COTL1: variants seen among roughly 807,000 people sequenced by gnomAD.
COTL1 encodes the protein coactosin-like protein.
In COTL1, 15 loss-of-function variants were observed where a neutral mutation model predicts 16.5. The observed-to-expected ratio is 0.91, with a 90% CI of 0.61 to 1.40. The LOEUF is 1.40. Among genes scored for constraint, COTL1 ranks in the 40% most tolerant of loss-of-function variants. COTL1 has a pLI of 0.00. For synonymous variants in COTL1, 112 were observed against 85.3 expected (o/e 1.31, Z -1.73); for missense variants, 220 against 201.5 (o/e 1.09, Z -0.56).
chr16:84,574,434 G>A (rs1487998598), intron 3 of COTL1, among the ~76,000 whole-genome samples: 3 of 152,070 alleles, frequency 2.0e-5, no homozygotes, highest in African/African-American at 4.8e-5. Context: ...ACTCGGTGTC[G>A]CTCTCTCATA....
At chr16:84,573,037 A>G (rs1399761062) in intron 3 of COTL1, among the ~76,000 whole-genome samples, 1 of 152,214 alleles carries the variant, frequency 6.6e-6, no homozygotes, top group East Asian at 1.9e-4. Context: ...TACAGGCGTG[A>G]GCCACTTTGC....
intron 3 of COTL1, among the ~76,000 whole-genome samples, chr16:84,574,753 T>G (rs922146902): frequency 6.6e-6 from 1 of 151,978 alleles, no homozygotes; most frequent in African/African-American, 2.4e-5. Flanking sequence ...CTGGCTAATT[T>G]TTGTATTTTT....
intron 2 of COTL1, among the ~76,000 whole-genome samples, chr16:84,592,637 A>G (rs1477888027): frequency 6.6e-6 from 1 of 151,852 alleles, no homozygotes; most frequent in South Asian, 2.1e-4. Context: ...TTCTTCCTAG[A>G]ATCTAAGTAC....
At chr16:84,614,672 G>A (rs2150698682) in intron 2 of COTL1, among the ~76,000 whole-genome samples, 1 of 152,242 alleles carries the variant, frequency 6.6e-6, no homozygotes, top group South Asian at 2.1e-4. Flanking sequence ...TTCCAAGTCT[G>A]CTGGCCACCT....
intron 2 of COTL1, among the ~76,000 whole-genome samples, chr16:84,606,333 G>A (rs537397960): frequency 5.5e-4 from 83 of 152,284 alleles, no homozygotes; most frequent in African/African-American, 1.9e-3. Context: ...AGGGGACGGC[G>A]GGCCCTCCTG....
At chr16:84,581,190 T>C (rs894793332) in intron 3 of COTL1, among the ~76,000 whole-genome samples, 1 of 152,096 alleles carries the variant, frequency 6.6e-6, no homozygotes, top group African/African-American at 2.4e-5. Flanking sequence ...TATGTATGTA[T>C]GACATGAGCA....
At chr16:84,616,893 G>A (rs2150699711) in intron 2 of COTL1, among the ~76,000 whole-genome samples, 1 of 152,250 alleles carries the variant, frequency 6.6e-6, no homozygotes, top group Non-Finnish European at 1.5e-5. Context: ...CGGGTGGTGT[G>A]CCCCTCCCCA....
intron 3 of COTL1, among the ~76,000 whole-genome samples, chr16:84,574,052 C>T (rs999694465): frequency 6.6e-6 from 1 of 152,148 alleles, no homozygotes; most frequent in South Asian, 2.1e-4. Flanking sequence ...CCTGTTGTCC[C>T]AGCTACTTGG....
intron 2 of COTL1, chr16:84,615,881 GCA>G (rs1905468230): frequency 1.7e-4 from 19 of 109,836 alleles, no homozygotes; most frequent in Non-Finnish European, 5.9e-5. Context: ...GTGTGTGCGC[GCA>G]CGCGGGTTCT....
intron 3 of COTL1, among the ~76,000 whole-genome samples, chr16:84,579,283 G>T (rs536542842): frequency 1.2e-4 from 18 of 152,332 alleles, no homozygotes; most frequent in African/African-American, 4.3e-4. Context: ...GATCACCTGA[G>T]GTCAGGAGTT....
At chr16:84,586,380 C>T (rs77741496) in intron 3 of COTL1, among the ~76,000 whole-genome samples, 6,370 of 152,256 alleles carry the variant, frequency 0.042, 212 homozygotes, top group Admixed American at 0.11. Context: ...CTCCAATCCC[C>T]CTCAGTCACC....
At chr16:84,615,239 A>G (rs1905441545) in intron 2 of COTL1, among the ~76,000 whole-genome samples, 1 of 152,244 alleles carries the variant, frequency 6.6e-6, no homozygotes, top group South Asian at 2.1e-4. Context: ...TGAAGCTCCC[A>G]TGGCCCATTC....
At chr16:84,593,674 G>A in intron 2 of COTL1, among the ~76,000 whole-genome samples, 1 of 152,060 alleles carries the variant, frequency 6.6e-6, no homozygotes, top group East Asian at 1.9e-4. Context: ...ACCACGCCCG[G>A]CTAATTTTTT....
At chr16:84,585,478 T>C (rs1191151357) in intron 3 of COTL1, among the ~76,000 whole-genome samples, 1 of 152,102 alleles carries the variant, frequency 6.6e-6, no homozygotes, top group Non-Finnish European at 1.5e-5. Context: ...TTTATTACTG[T>C]CAAAAAGTCA....
chr16:84,585,602 C>A (rs1213105034), intron 3 of COTL1, among the ~76,000 whole-genome samples: 1 of 152,022 alleles, frequency 6.6e-6, no homozygotes, highest in Non-Finnish European at 1.5e-5. Context: ...GACATGGCAC[C>A]CGGAATGGGC....
chr16:84,610,746 C>A (rs936170762), intron 2 of COTL1, among the ~76,000 whole-genome samples: 2 of 152,052 alleles, frequency 1.3e-5, no homozygotes, highest in African/African-American at 2.4e-5. Context: ...AAACATCAAT[C>A]TCTACATCTC....
At chr16:84,593,984 A>G (rs1300272860) in intron 2 of COTL1, among the ~76,000 whole-genome samples, 1 of 152,052 alleles carries the variant, frequency 6.6e-6, no homozygotes, top group Non-Finnish European at 1.5e-5. Flanking sequence ...GTCTCTATGG[A>G]TTGGCCTGTG....
chr16:84,589,033 C>T (rs532250060), intron 3 of COTL1, among the ~76,000 whole-genome samples: 2 of 151,756 alleles, frequency 1.3e-5, no homozygotes, highest in Admixed American at 6.6e-5. Flanking sequence ...TGCAGTGGTG[C>T]GATCATGGCT....
chr16:84,584,584 G>C (rs1429483075), intron 3 of COTL1, among the ~76,000 whole-genome samples: 2 of 152,180 alleles, frequency 1.3e-5, no homozygotes, highest in Non-Finnish European at 2.9e-5. Flanking sequence ...CTGACGGCTG[G>C]CAATATCCGT....
Sources: gnomAD v4.1 joint callset for allele counts (sites outside exome capture counted in the v4.1 genomes callset) on GRCh38, gnomAD v4.1.1 for gene constraint, MANE v1.5 for transcripts, NCBI Gene and HGNC (gene_info 2026-07-23, HGNC 2026-07-21) for gene names.